Variants in TPM2 observed in about 807,000 individuals in gnomAD.
TPM2 encodes tropomyosin beta chain.
TPM2 carries 26 observed loss-of-function variants against 41.0 expected under a neutral mutation model. That is an observed-to-expected ratio of 0.63 (90% CI 0.46 to 0.88). The LOEUF is 0.88. Among genes scored for constraint, TPM2 ranks in the 40% least tolerant of loss-of-function variants. The pLI is 0.00. For missense variants in TPM2, 187 were observed against 355.2 expected (o/e 0.53, Z 3.81); for synonymous variants, 143 against 139.3 (o/e 1.03, Z -0.19).
upstream of TPM2, chr9:35,689,973 C>G: frequency 6.6e-7 from 1 of 1,503,832 alleles, no homozygotes. Flanking sequence ...AGGGACCGGG[C>G]GGGGCCGGCA....
At chr9:35,684,665 T>A in intron 6 of TPM2, 67 bp downstream of exon 6, 3 of 1,613,596 alleles carry the variant, frequency 1.9e-6, no homozygotes, top group Non-Finnish European at 2.5e-6. Context: ...AGCCCCTCCC[T>A]GCCTTGGGCC....
chr9:35,682,472 C>G, downstream of TPM2: 1 of 1,308,550 alleles, frequency 7.6e-7, no homozygotes, highest in Non-Finnish European at 9.8e-7. Context: ...AAGACAAAGA[C>G]TGCGCCAGGA....
At chr9:35,682,625 A>C (rs985936092), downstream of TPM2, 7 of 1,302,786 alleles carry the variant, frequency 5.4e-6, no homozygotes, top group Middle Eastern at 3.1e-4. Flanking sequence ...GCACCTCACC[A>C]CCCTACTTCC....
Position 35,683,134 on chromosome 9 carries a change from T to G in TPM2, c.*25A>C, listed in dbSNP as rs781513152. The G allele has an allele frequency of 1.4e-4, 221 of 1,551,976 alleles. No individual in the cohort carries two copies. The highest frequency in any genetic ancestry group is 2.5e-5 in the Non-Finnish European group (29 of 1,147,150). ...TGGAAAGGAGAGGAGAGAAGAGAGC[T>G]GAGGTGGCCACGCTGGCGTGGGGCT... On this transcript the variant is annotated 3_prime_UTR_variant, in exon 9 of 9. Coordinates refer to ENST00000645482, the MANE Select transcript of TPM2 (RefSeq NM_003289.4).
rs372898802 is a variant in TPM2 at position 35,685,785 on chromosome 9, G to A, written c.241-5C>T. ...GGAGGCCACATCTGCCTCAGCCTGT[G>A]GGTCAGAGGTCAGGGGTCAAAAAGG... On this transcript the variant is annotated splice_region_variant and splice_polypyrimidine_tract_variant and intron_variant, in intron 2 of 8. Coordinates refer to ENST00000645482, the MANE Select transcript of TPM2 (RefSeq NM_003289.4). This position sits in a 1 kb window ranked among gnomAD's most constrained non-coding sequence, Gnocchi z 5.0. 6.2e-7 allele frequency: 1 copy of A among 1,614,078 alleles called. No homozygotes were observed. The highest frequency in any genetic ancestry group is 8.5e-7 in the Non-Finnish European group (1 of 1,180,032).
In TPM2 at chr9:35,685,038, C is replaced by T. The variant is rs760140696; in HGVS notation, c.563+231G>A. The T allele has an allele frequency of 6.2e-7, 1 of 1,614,156 alleles. No homozygotes were observed. The highest frequency in any genetic ancestry group is 1.1e-5 in the South Asian group (1 of 91,084). Reference sequence around the variant, plus strand: ...GTGAGCTGAGAGAAGGCGCCATTGCCCAGAAAGGTTCAGAGGGGTCACTAC... The same window carrying T: ...GTGAGCTGAGAGAAGGCGCCATTGCTCAGAAAGGTTCAGAGGGGTCACTAC... On this transcript the variant is annotated intron_variant, in intron 5 of 8. Transcript: ENST00000645482. The surrounding 1 kb of genome is among the most constrained non-coding windows in gnomAD (Gnocchi z 5.0).
rs1005610119 is a variant in TPM2, at chr9:35,685,854, G to A, written c.241-74C>T. On this transcript the variant is annotated intron_variant, in intron 2 of 8. Transcript: ENST00000645482. The surrounding 1 kb of genome is among the most constrained non-coding windows in gnomAD (Gnocchi z 5.0). The stretch of plus-strand genomic sequence containing the variant: ...AGGATCAGAGAGGCTCCAGAGGATG[G>A]CGAGATTCTTCTCAGAAAGAACTGA... The A allele has an allele frequency of 7.2e-5, 116 of 1,608,840 alleles. No homozygotes were observed. Among genetic ancestry groups the A allele is most frequent in the Non-Finnish European group, 9.2e-5 (108 of 1,177,118 alleles).
chr9:35,682,678 T>C (rs570859680), downstream of TPM2: 3 of 1,311,870 alleles, frequency 2.3e-6, no homozygotes, highest in South Asian at 3.7e-5. Context: ...AGCTAAGTGC[T>C]CTGAGGTCAG....
Position 35,685,406 on chromosome 9 carries a change from C to G in TPM2, c.492+28G>C. The G allele has an allele frequency of 6.2e-7, 1 of 1,614,126 alleles. No individual in the cohort carries two copies. The highest frequency in any genetic ancestry group is 8.5e-7 in the Non-Finnish European group (1 of 1,179,992). On this transcript the variant is annotated intron_variant, in intron 4 of 8. Coordinates refer to ENST00000645482, the MANE Select transcript of TPM2 (RefSeq NM_003289.4). This position sits in a 1 kb window ranked among gnomAD's most constrained non-coding sequence, Gnocchi z 5.0. ...ACTGGGCATGTTGCAGGCTGGGCAG[C>G]GAGCAGGCAGAGGGGCAAGGCTGTC...
downstream of TPM2, chr9:35,682,916 GA>G: frequency 6.7e-7 from 1 of 1,494,552 alleles, no homozygotes; most frequent in Non-Finnish European, 9.0e-7. Flanking sequence ...TGGAGGGCAG[GA>G]AAACAGCATG....
chr9:35,687,079 T>C lies in TPM2; in HGVS notation c.241-1299A>G, dbSNP rs552834840. The stretch of plus-strand genomic sequence containing the variant: ...AAGCTTCAGTTTCCTCCTTCACAAG[T>C]TGGAGTTAACAATAACAGTTCCTCC... On this transcript the variant is annotated intron_variant, in intron 2 of 8. Coordinates refer to ENST00000645482, the MANE Select transcript of TPM2 (RefSeq NM_003289.4). Among the ~76,000 whole-genome samples the C allele has an allele frequency of 2.0e-5, 3 of 152,324 alleles. No homozygotes were observed. In the South Asian group the frequency reaches 6.2e-4, roughly 32 times the overall value.
chr9:35,682,909 A>G (rs758685402), downstream of TPM2: 14 of 1,489,758 alleles, frequency 9.4e-6, no homozygotes, highest in South Asian at 1.8e-4. Context: ...TGCTCTCTGG[A>G]GGGCAGGAAA....
chr9:35,686,886 G>A (rs1391912948), intron 2 of TPM2, among the ~76,000 whole-genome samples: 2 of 152,112 alleles, frequency 1.3e-5, no homozygotes, highest in Admixed American at 1.3e-4. Context: ...CATAAAAACT[G>A]GTCAAACACT....
chr9:35,683,493 G>A (rs1434756229), intron 8 of TPM2, among the ~76,000 whole-genome samples: 3 of 152,172 alleles, frequency 2.0e-5, no homozygotes, highest in Non-Finnish European at 4.4e-5. Flanking sequence ...TGCCTCTCCA[G>A]GGAGCTGTGT....
intron 1 of TPM2, 44 bp downstream of exon 1, chr9:35,689,660 C>T (rs747247200): frequency 1.2e-6 from 2 of 1,607,620 alleles, no homozygotes; most frequent in Non-Finnish European, 1.7e-6. Context: ...CCCACCCTTG[C>T]CCTAGGCGCG....
Position 35,684,274 on chromosome 9 carries a change from C to T in TPM2, c.744G>A (p.Lys248=). Residue 248 remains lysine (K), a synonymous_variant, in exon 8 of 9, where the codon AAG becomes AAA. Coordinates refer to ENST00000645482, the MANE Select transcript of TPM2 (RefSeq NM_003289.4). ...CTAGGTCATCGATGGTTTTCTCCAACTTTGCCACAGACCTCTCGGCAAACT... is the reference window on the plus strand; with the variant it reads ...CTAGGTCATCGATGGTTTTCTCCAATTTTGCCACAGACCTCTCGGCAAACT... ...RAEFAERSVA[K]LEKTIDDLED... 2 of 1,614,222 alleles carry T rather than the reference C, an allele frequency of 1.2e-6. No individual in the cohort carries two copies. The highest frequency in any genetic ancestry group is 1.7e-6 in the Non-Finnish European group (2 of 1,180,030).
At chr9:35,682,204 AGGG>A (rs1457194651), downstream of TPM2, 1 of 1,606,606 alleles carries the variant, frequency 6.2e-7, no homozygotes, top group African/African-American at 1.3e-5. Flanking sequence ...GGGAGACACA[AGGG>A]GGAGACGTGG....
chr9:35,686,598 C>G (rs1243873), intron 2 of TPM2, among the ~76,000 whole-genome samples: 2 of 144,540 alleles, frequency 1.4e-5, no homozygotes, highest in Admixed American at 7.3e-5. Flanking sequence ...AGCTTGACCC[C>G]AGGAGCCCTG....
chr9:35,682,206 G>A (rs369992099), downstream of TPM2: 1 of 1,596,120 alleles, frequency 6.3e-7, no homozygotes. Flanking sequence ...GAGACACAAG[G>A]GGGAGACGTG....
Sources: gnomAD v4.1 joint callset for allele counts (sites outside exome capture counted in the v4.1 genomes callset) on GRCh38, gnomAD v4.1.1 for gene constraint, Gnocchi (gnomAD v3.1) non-coding constraint, MANE v1.5 for transcripts, NCBI Gene and HGNC (gene_info 2026-07-23, HGNC 2026-07-21) for gene names.